Variants in MAT2A observed in about 807,000 individuals in gnomAD.
MAT2A encodes methionine adenosyltransferase 2A.
A neutral mutation model predicts 43.9 loss-of-function variants in MAT2A; 3 were observed. That is an observed-to-expected ratio of 0.07 (90% CI 0.03 to 0.18). The LOEUF is 0.18. Among genes scored for constraint, MAT2A ranks in the 10% least tolerant of loss-of-function variants. MAT2A has a pLI of 1.00. For synonymous variants in MAT2A, 200 were observed against 168.4 expected, an observed-to-expected ratio of 1.19 and a Z score of -1.45; for missense variants, 204 against 489.0, an observed-to-expected ratio of 0.42 and a Z score of 5.50.
At position 85,542,716 on chromosome 2, in the gene MAT2A, A is replaced by C. The variant is rs770687760; in HGVS notation, c.920A>C (p.Lys307Thr). 6.2e-7 allele frequency: 1 copy of C among 1,613,558 alleles called. No individual in the cohort carries two copies. The highest frequency in any genetic ancestry group is 8.5e-7 in the Non-Finnish European group (1 of 1,179,574). The part of the protein sequence containing the change: ...AARWVAKSLV[K>T]GGLCRRVLVQ... Reference sequence around the variant, plus strand: ...CGTTGGGTGGCAAAATCCCTTGTTAAAGGAGGTCTGTGCCGGAGGGTTCTT... The same window carrying C: ...CGTTGGGTGGCAAAATCCCTTGTTACAGGAGGTCTGTGCCGGAGGGTTCTT... The change falls in exon 7 of 9, where the codon AAA becomes ACA. Residue 307 changes from lysine to threonine, a missense_variant. Physicochemically the swap from Lys to Thr is moderately conservative, Grantham distance 78. Around this residue, in one of 6 missense-constraint regions of MAT2A, gnomAD observed 45 missense variants for 106.8 expected, o/e 0.42. Transcript: ENST00000306434.
At position 85,539,278 on chromosome 2, in the gene MAT2A, C is replaced by G; in HGVS notation, c.-10C>G. The G allele has an allele frequency of 6.2e-7, 1 of 1,600,646 alleles. No individual in the cohort carries two copies. Among genetic ancestry groups the G allele is most frequent in the East Asian group, 2.3e-5 (1 of 43,536 alleles). ...CCTTCGTAAGGCCACTTCCGCACAC[C>G]GACACCAACATGAACGGACAGCTCA... is the stretch of plus-strand genomic sequence containing the variant. On this transcript the variant is annotated 5_prime_UTR_variant, in exon 1 of 9. Transcript: ENST00000306434.
intron 1 of MAT2A, among the ~76,000 whole-genome samples, chr2:85,540,622 G>A (rs570599846): frequency 7.5e-4 from 114 of 152,324 alleles, no homozygotes; most frequent in African/African-American, 2.7e-3. Flanking sequence ...CTTCTACACT[G>A]TTGAGCTTTT....
chr2:85,541,683 C>A lies in MAT2A; in HGVS notation c.343C>A (p.Pro115Thr). ...GCTGGTAGCCTTGGAGCAACAGTCA[C>A]CAGATATTGCTCAAGGTGTTCATCT... Reference protein sequence around the residue: ...NVLVALEQQSPDIAQGVHLDR... With the variant: ...NVLVALEQQSTDIAQGVHLDR... Residue 115 changes from proline to threonine, a missense_variant, in exon 4 of 9, where the codon CCA (proline) becomes ACA (threonine). Physicochemically the swap from Pro to Thr is conservative, Grantham distance 38. This residue lies in a region of MAT2A where 103 missense variants were observed against 226.4 expected (regional missense o/e 0.45). Transcript: ENST00000306434. The A allele has an allele frequency of 1.2e-6, 2 of 1,614,014 alleles. No individual in the cohort carries two copies. Among genetic ancestry groups the A allele is most frequent in the Non-Finnish European group, 1.7e-6 (2 of 1,180,012 alleles).
chr2:85,540,079 C>T (rs1371571768), intron 1 of MAT2A: 2 of 152,258 alleles, frequency 1.3e-5, no homozygotes, highest in African/African-American at 4.8e-5. Flanking sequence ...GGATGGGAAG[C>T]ATGAATTAGG....
In MAT2A at chr2:85,541,943, C is replaced by T. The variant is rs756178692; in HGVS notation, c.520C>T (p.Pro174Ser). The T allele has an allele frequency of 1.9e-6, 3 of 1,614,202 alleles. No individual in the cohort carries two copies. The highest frequency in any genetic ancestry group is 1.1e-5 in the South Asian group (1 of 91,088). ...AGAACTACGCCGTAATGGCACTTTG[C>T]CTTGGTTACGCCCTGATTCTAAAAC... ...LAELRRNGTLPWLRPDSKTQV... is the reference protein window; with the variant it reads ...LAELRRNGTLSWLRPDSKTQV... Residue 174 changes from proline (P) to serine (S), a missense_variant, in exon 5 of 9, where the codon CCT (proline) becomes TCT (serine). By Grantham distance (74) the Pro-to-Ser change is moderately conservative. Transcript: ENST00000306434.
chr2:85,539,446 G>A, intron 1 of MAT2A, 68 bp downstream of exon 1: 8 of 1,317,364 alleles, frequency 6.1e-6, no homozygotes, highest in Non-Finnish European at 7.3e-6. Flanking sequence ...GGCTGGCTGC[G>A]GCCGGCCGGT....
At position 85,539,383 on chromosome 2, in the gene MAT2A, G is replaced by C; in HGVS notation, c.91+5G>C. 4 of 1,598,848 alleles carry C rather than the reference G, an allele frequency of 2.5e-6. No homozygotes were observed. Among genetic ancestry groups the C allele is most frequent in the Non-Finnish European group, 3.4e-6 (4 of 1,173,596 alleles). ...CGGTCGGGGAAGGCCACCCAGGTGA[G>C]GGGACGGCCTGAAGCGAAGCGTGGG... On this transcript the variant is annotated splice_donor_5th_base_variant and intron_variant, in intron 1 of 8. Coordinates refer to ENST00000306434, the MANE Select transcript of MAT2A (RefSeq NM_005911.6).
chr2:85,539,887 T>TG (rs1691419553), intron 1 of MAT2A: 3 of 154,098 alleles, frequency 1.9e-5, no homozygotes, highest in South Asian at 1.9e-4. Flanking sequence ...GTTTGAGGGG[T>TG]GGGGGGCCTA....
In MAT2A at chr2:85,541,046, A is replaced by C. The variant is rs201961925; in HGVS notation, c.92-37A>C. The stretch of plus-strand genomic sequence containing the variant: ...ATACATACATACATACTTTGTTTAA[A>C]GTTAAAGAAACTGAGCCAGGAATTT... On this transcript the variant is annotated intron_variant, in intron 1 of 8. Transcript: ENST00000306434. 23 of 1,482,622 alleles carry C rather than the reference A, an allele frequency of 1.6e-5. No individual in the cohort carries two copies. In the East Asian group the frequency reaches 3.4e-4, roughly 22 times the overall value. The allele number at this position is 1,482,622 out of a possible 1,614,324, so 91.8% of individuals were successfully genotyped here.
At chr2:85,543,271 T>C (rs768622442) in intron 8 of MAT2A, 38 of 498,612 alleles carry the variant, frequency 7.6e-5, no homozygotes, top group Non-Finnish European at 1.1e-4. Context: ...AGATTTGATA[T>C]TTGAGCTTTG....
chr2:85,542,444 C>T (rs1230060215), intron 6 of MAT2A, 71 bp downstream of exon 6: 2 of 1,558,372 alleles, frequency 1.3e-6, no homozygotes, highest in Admixed American at 1.8e-5. Flanking sequence ...ACATTTTTTT[C>T]AGGCTTTCTG....
intron 3 of MAT2A, 85 bp downstream of exon 3, chr2:85,541,462 A>C: frequency 6.6e-7 from 1 of 1,511,176 alleles, no homozygotes; most frequent in East Asian, 2.3e-5. Flanking sequence ...TGCTAATCCT[A>C]AACTCCAGTT....
chr2:85,542,061 A>G, intron 5 of MAT2A, 89 bp downstream of exon 5: 1 of 1,586,530 alleles, frequency 6.3e-7, no homozygotes, highest in Non-Finnish European at 8.6e-7. Context: ...TGGAAAAAAT[A>G]GCATTTGTTT....
chr2:85,539,219 C>G lies in MAT2A; in HGVS notation c.-69C>G, dbSNP rs1045807428. 7.1e-6 allele frequency: 8 copies of G among 1,126,842 alleles called. No homozygotes were observed. Among genetic ancestry groups the G allele is most frequent in the Middle Eastern group, 2.0e-4 (1 of 5,100 alleles). The allele number at this position is 1,126,842 out of a possible 1,614,324, so 69.8% of individuals were successfully genotyped here. On this transcript the variant is annotated 5_prime_UTR_variant, in exon 1 of 9. Coordinates refer to ENST00000306434, the MANE Select transcript of MAT2A (RefSeq NM_005911.6). ...CGAGTAGAACGCTGTCCGCAGCTTG[C>G]GCATTTCGCAGCCGCTGCCGCCTCG...
intron 1 of MAT2A, 116 bp from the exon 2 acceptor site, chr2:85,540,967 A>G (rs1470321198): frequency 1.5e-6 from 1 of 684,000 alleles, no homozygotes. Context: ...TGTATTAAGC[A>G]TGTTTTTTAA....
Position 85,541,395 on chromosome 2 carries a change from T to C in MAT2A, c.292+18T>C. 1 of 1,605,284 alleles carries C rather than the reference T, an allele frequency of 6.2e-7. No individual in the cohort carries two copies. Among genetic ancestry groups the C allele is most frequent in the Non-Finnish European group, 8.5e-7 (1 of 1,177,034 alleles). On this transcript the variant is annotated intron_variant, in intron 3 of 8. Coordinates refer to ENST00000306434, the MANE Select transcript of MAT2A (RefSeq NM_005911.6). ...TTCCAAAGGTGTGTTTTAATGATTTTGCTCATTTTTTTCTAGGTAACAGCT... is the reference window on the plus strand; with the variant it reads ...TTCCAAAGGTGTGTTTTAATGATTTCGCTCATTTTTTTCTAGGTAACAGCT...
At chr2:85,539,631 G>T in intron 1 of MAT2A, 1 of 358,904 alleles carries the variant, frequency 2.8e-6, no homozygotes, top group Non-Finnish European at 5.0e-6. Flanking sequence ...TAGGCATGCG[G>T]AAGGTTCCAG....
Position 85,541,483 on chromosome 2 carries a change from A to G in MAT2A, c.292+106A>G, listed in dbSNP as rs1255021376. On this transcript the variant is annotated intron_variant, in intron 3 of 8. Coordinates refer to ENST00000306434, the MANE Select transcript of MAT2A (RefSeq NM_005911.6). Reference sequence around the variant, plus strand: ...TCCTAAACTCCAGTTGTATCTTACTATACACTAAGCCCTATTCTGTTCATT... The same window carrying G: ...TCCTAAACTCCAGTTGTATCTTACTGTACACTAAGCCCTATTCTGTTCATT... 4.3e-6 allele frequency: 6 copies of G among 1,408,954 alleles called. No individual in the cohort carries two copies. In the African/African-American group the frequency reaches 5.7e-5, roughly 13 times the overall value. 87.3% of individuals were successfully genotyped at this position (1,408,954 alleles called of 1,614,324 possible).
chr2:85,539,424 G>A lies in MAT2A; in HGVS notation c.91+46G>A, dbSNP rs374321060. 4.7e-6 allele frequency: 7 copies of A among 1,473,994 alleles called. No homozygotes were observed. The South Asian group carries it at 7.3e-5, about 15-fold the overall frequency. The allele number at this position is 1,473,994 out of a possible 1,614,324, so 91.3% of individuals were successfully genotyped here. A position where few individuals can be genotyped will look rare whatever the true frequency, so the allele number is the denominator to read the frequency against. On this transcript the variant is annotated intron_variant, in intron 1 of 8. Coordinates refer to ENST00000306434, the MANE Select transcript of MAT2A (RefSeq NM_005911.6). ...GAAGCGTGGGGCGGGGCAGAAGGCA[G>A]CGCCAAGGTCCGGCTGGCTGCGGCC...
Sources: allele counts gnomAD v4.1 joint callset (sites outside exome capture counted in the v4.1 genomes callset), GRCh38; gene constraint gnomAD v4.1.1; regional missense constraint gnomAD v4.1.1; transcripts MANE v1.5; gene names NCBI Gene and HGNC (gene_info 2026-07-23, HGNC 2026-07-21).